EVI5: variants seen among roughly 807,000 people sequenced by gnomAD.
EVI5 encodes the protein ecotropic viral integration site 5 protein homolog.
EVI5 carries 73 observed loss-of-function variants against 112.0 expected under a neutral mutation model. That is an observed-to-expected ratio of 0.65 (90% CI 0.54 to 0.79). The LOEUF (loss-of-function observed/expected upper bound fraction) is 0.79, where lower values mean the gene tolerates loss of function less well. Among genes scored for constraint, EVI5 ranks in the 30% least tolerant of loss-of-function variants. The pLI is 0.00. For synonymous variants in EVI5, 305 were observed against 319.9 expected, an observed-to-expected ratio of 0.95 and a Z score of 0.50; for missense variants, 900 against 968.8, an observed-to-expected ratio of 0.93 and a Z score of 0.94.
At chr1:92,519,004 G>A (rs1660420747) in intron 19 of EVI5, among the ~76,000 whole-genome samples, 1 of 152,124 alleles carries the variant, frequency 6.6e-6, no homozygotes, top group African/African-American at 2.4e-5. Flanking sequence ...TCAAATAAAT[G>A]TGAGGCTAAG....
intron 18 of EVI5, among the ~76,000 whole-genome samples, chr1:92,565,386 C>T (rs1233774043): frequency 6.6e-6 from 1 of 152,176 alleles, no homozygotes; most frequent in Non-Finnish European, 1.5e-5. Flanking sequence ...GATACACATT[C>T]TAACTTTAGA....
At chr1:92,708,410 AAC>A (rs975394054) in intron 2 of EVI5, among the ~76,000 whole-genome samples, 15 of 152,318 alleles carry the variant, frequency 9.8e-5, no homozygotes, top group African/African-American at 2.6e-4. Flanking sequence ...GCAAATTGAA[AAC>A]ACAATGAGAT....
intron 9 of EVI5, among the ~76,000 whole-genome samples, chr1:92,688,047 G>A (rs1042454292): frequency 6.6e-6 from 1 of 152,066 alleles, no homozygotes; most frequent in Non-Finnish European, 1.5e-5. Context: ...ATACCCAAAG[G>A]ATTATAAATT....
chr1:92,786,919 C>T (rs1321660753), upstream of EVI5, among the ~76,000 whole-genome samples: 1 of 152,160 alleles, frequency 6.6e-6, no homozygotes, highest in Non-Finnish European at 1.5e-5. Flanking sequence ...CTCAACAGAG[C>T]TTTTACTCAT....
At chr1:92,517,476 A>G (rs905797305) in intron 19 of EVI5, among the ~76,000 whole-genome samples, 2 of 152,232 alleles carry the variant, frequency 1.3e-5, no homozygotes, top group African/African-American at 4.8e-5. Flanking sequence ...TGGTTCAAAT[A>G]AAATGGGGCT....
intron 2 of EVI5, among the ~76,000 whole-genome samples, chr1:92,722,276 A>C (rs1674870773): frequency 6.6e-6 from 1 of 151,720 alleles, no homozygotes; most frequent in Admixed American, 6.6e-5. Flanking sequence ...CTCTTATCTA[A>C]CTGATATTTC....
At chr1:92,606,260 T>C (rs1211388119) in intron 17 of EVI5, among the ~76,000 whole-genome samples, 3 of 152,222 alleles carry the variant, frequency 2.0e-5, no homozygotes, top group Non-Finnish European at 2.9e-5. Context: ...TCCTCAAAGA[T>C]TTATTTCCAA....
At chr1:92,766,720 AT>A (rs1553271275) in intron 1 of EVI5, among the ~76,000 whole-genome samples, 2 of 152,216 alleles carry the variant, frequency 1.3e-5, no homozygotes, top group Non-Finnish European at 2.9e-5. Context: ...TTCACTCTCC[AT>A]GGTTTCAGCT....
chr1:92,703,317 T>A (rs1456718554), intron 4 of EVI5, 78 bp downstream of exon 4: 2 of 869,204 alleles, frequency 2.3e-6, no homozygotes, highest in African/African-American at 3.5e-5. Context: ...TGGGAGGTCA[T>A]GCTTCATCAT....
chr1:92,600,898 GTA>G (rs1413592770), intron 18 of EVI5, among the ~76,000 whole-genome samples: 2 of 152,080 alleles, frequency 1.3e-5, no homozygotes, highest in Non-Finnish European at 2.9e-5. Flanking sequence ...CTTCATTTGG[GTA>G]TAGTTTGTAA....
rs759389964 is a variant in EVI5 at position 92,607,681 on chromosome 1, A to G, written c.1874T>C (p.Ile625Thr). 1 of 1,606,198 alleles carries G rather than the reference A, an allele frequency of 6.2e-7. No homozygotes were observed. Among genetic ancestry groups the G allele is most frequent in the Non-Finnish European group, 8.5e-7 (1 of 1,176,216 alleles). The change falls in exon 17 of 20, where the codon ATT (isoleucine) becomes ACT (threonine). Residue 625 changes from isoleucine (I) to threonine (T), a missense_variant. Ile to Thr is a moderately conservative substitution (Grantham distance 89). Transcript: ENST00000684568. Reference sequence around the variant, plus strand: ...ATACTGCACTTTCTCCTGTAGGCTAATCACCTCTTGTTCTGCTCTTCGAAG... The same window carrying G: ...ATACTGCACTTTCTCCTGTAGGCTAGTCACCTCTTGTTCTGCTCTTCGAAG... ...NHLRRAEQEV[I>T]SLQEKVQYLS...
intron 18 of EVI5, among the ~76,000 whole-genome samples, chr1:92,584,340 A>T (rs1288859171): frequency 6.6e-6 from 1 of 152,190 alleles, no homozygotes; most frequent in Non-Finnish European, 1.5e-5. Context: ...TGCAGCATGG[A>T]TACAAATTTT....
At chr1:92,615,687 T>C (rs185017742) in intron 16 of EVI5, among the ~76,000 whole-genome samples, 6 of 152,184 alleles carry the variant, frequency 3.9e-5, no homozygotes, top group African/African-American at 7.2e-5. Context: ...TGAGGCAACA[T>C]TGATGCCCTC....
rs1269427695 is a variant in EVI5 at position 92,532,769 on chromosome 1, G to C, written c.2167-18799C>G. 3.3e-5 allele frequency among the ~76,000 whole-genome samples: 5 copies of C among 152,130 alleles called. No homozygotes were observed. The East Asian group carries it at 9.7e-4, about 29-fold the overall frequency. On this transcript the variant is annotated intron_variant, in intron 19 of 19. Coordinates refer to ENST00000684568, the MANE Select transcript of EVI5 (RefSeq NM_001350197.2). ...AAAGACACACGTACCAGAATCTCTG[G>C]GACACATTTAAAGCAGTGTGTAGAG...
intron 2 of EVI5, among the ~76,000 whole-genome samples, chr1:92,724,599 G>C (rs996152836): frequency 6.6e-6 from 1 of 152,062 alleles, no homozygotes; most frequent in African/African-American, 2.4e-5. Flanking sequence ...CTTCAGCCCA[G>C]GCGTTCGAGA....
At chr1:92,629,449 G>C (rs1362874494) in intron 14 of EVI5, among the ~76,000 whole-genome samples, 1 of 152,156 alleles carries the variant, frequency 6.6e-6, no homozygotes, top group Admixed American at 6.5e-5. Context: ...TTTGGAGTTT[G>C]TAATCTAGAA....
chr1:92,614,425 G>C lies in EVI5; in HGVS notation c.1828-6698C>G, dbSNP rs142684328. Among the ~76,000 whole-genome samples, 329 of 152,274 alleles carry C rather than the reference G, an allele frequency of 2.2e-3. 2 individuals are homozygous for C. Among genetic ancestry groups the C allele is most frequent in the Admixed American group, 4.6e-3 (71 of 15,288 alleles). On this transcript the variant is annotated intron_variant, in intron 16 of 19. Coordinates refer to ENST00000684568, the MANE Select transcript of EVI5 (RefSeq NM_001350197.2). ...TTAATACTAAGTGTCAACTTGATTG[G>C]ATTGAAGGATATAAAGTATTGATCC...
At chr1:92,612,992 C>T (rs1449182048) in intron 16 of EVI5, among the ~76,000 whole-genome samples, 1 of 152,174 alleles carries the variant, frequency 6.6e-6, no homozygotes, top group Admixed American at 6.5e-5. Flanking sequence ...ACACAAAAGA[C>T]TGGTGAGTCT....
intron 18 of EVI5, among the ~76,000 whole-genome samples, chr1:92,581,875 T>C (rs1671991269): frequency 6.6e-6 from 1 of 152,148 alleles, no homozygotes; most frequent in Admixed American, 6.6e-5. Context: ...GACTATTTTC[T>C]CCCTCCTAAA....
Sources: allele counts gnomAD v4.1 joint callset (sites outside exome capture counted in the v4.1 genomes callset), GRCh38; gene constraint gnomAD v4.1.1; transcripts MANE v1.5; gene names NCBI Gene and HGNC (gene_info 2026-07-23, HGNC 2026-07-21).